Variants in MCTP1 observed in about 807,000 individuals in gnomAD.
MCTP1 encodes multiple C2 and transmembrane domain-containing protein 1.
Under a neutral mutation model 120.6 loss-of-function variants are expected in MCTP1, and 69 were observed. The ratio of observed to expected loss-of-function variants is 0.57; its 90% CI spans 0.47 to 0.70. MCTP1 has a LOEUF of 0.70. Ranked by LOEUF, MCTP1 falls within the 30% of genes least tolerant of loss-of-function variation. MCTP1 has a pLI of 0.00. For missense variants in MCTP1, 1,203 were observed against 1,248.8 expected (o/e 0.96, Z 0.55); for synonymous variants, 529 against 493.1 (o/e 1.07, Z -0.96).
chr5:95,042,033 G>A (rs1842442050), intron 1 of MCTP1, among the ~76,000 whole-genome samples: 1 of 152,150 alleles, frequency 6.6e-6, no homozygotes, highest in South Asian at 2.1e-4. Context: ...GCAAAAGTCT[G>A]AAGACTTTGG....
chr5:94,942,520 G>A (rs1817970713), intron 3 of MCTP1, 93 bp from the exon 4 acceptor site: 1 of 787,736 alleles, frequency 1.3e-6, no homozygotes, highest in Non-Finnish European at 2.1e-6. Flanking sequence ...GGTTGTCTAT[G>A]TCACCAAAAG....
At chr5:94,793,425 T>G (rs938275050) in intron 18 of MCTP1, 1 of 152,144 alleles carries the variant, frequency 6.6e-6, no homozygotes, top group African/African-American at 2.4e-5. Flanking sequence ...TGAAAAAAAC[T>G]GAGAAAACTG....
intron 11 of MCTP1, among the ~76,000 whole-genome samples, chr5:94,891,747 A>AAAATAAATAAAT (rs66803101): frequency 6.1e-5 from 9 of 148,448 alleles, no homozygotes; most frequent in South Asian, 2.1e-4. Flanking sequence ...ATAAGAAGTA[A>AAAATAAATAAAT]AAATAAATAA....
At chr5:95,038,286 T>A (rs1357101274) in intron 1 of MCTP1, 3 of 232,090 alleles carry the variant, frequency 1.3e-5, no homozygotes, top group Non-Finnish European at 2.1e-5. Flanking sequence ...TTGTAAATTC[T>A]GGTTGGAGAA....
chr5:94,730,959 C>G (rs921194511), intron 19 of MCTP1, among the ~76,000 whole-genome samples: 8 of 108,880 alleles, frequency 7.3e-5, no homozygotes, highest in Non-Finnish European at 1.0e-4. Context: ...ACTCCACACA[C>G]ACACACACAT....
At chr5:94,747,803 T>C (rs759476528) in intron 19 of MCTP1, among the ~76,000 whole-genome samples, 1 of 152,002 alleles carries the variant, frequency 6.6e-6, no homozygotes, top group Non-Finnish European at 1.5e-5. Flanking sequence ...TCTGAAATTA[T>C]AAGGAGGCCA....
chr5:94,754,712 T>C (rs1354913180), intron 19 of MCTP1, among the ~76,000 whole-genome samples: 1 of 152,162 alleles, frequency 6.6e-6, no homozygotes. Flanking sequence ...GGCAGAAATT[T>C]CTGGTATAAA....
chr5:95,143,636 T>TA (rs1350530608), intron 1 of MCTP1, among the ~76,000 whole-genome samples: 1 of 152,196 alleles, frequency 6.6e-6, no homozygotes, highest in Non-Finnish European at 1.5e-5. Flanking sequence ...AGCTCCCACT[T>TA]ACATGTGAGT....
intron 21 of MCTP1, chr5:94,710,566 A>T: frequency 2.8e-6 from 1 of 355,854 alleles, no homozygotes; most frequent in Non-Finnish European, 5.0e-6. Context: ...ACACTTTGAT[A>T]TATGAAGAAT....
At chr5:95,082,433 GA>G (rs1755047115) in intron 1 of MCTP1, among the ~76,000 whole-genome samples, 1 of 152,026 alleles carries the variant, frequency 6.6e-6, no homozygotes, top group Admixed American at 6.6e-5. Flanking sequence ...GATGCTTGGA[GA>G]AAAGTCTACT....
At chr5:95,066,722 T>C (rs1425309640) in intron 1 of MCTP1, among the ~76,000 whole-genome samples, 2 of 152,164 alleles carry the variant, frequency 1.3e-5, no homozygotes, top group African/African-American at 4.8e-5. Flanking sequence ...GGGCATTATA[T>C]TAAGTAAAAT....
In MCTP1 at chr5:94,739,689, G is replaced by A. The variant is rs138464983; in HGVS notation, c.2611-24803C>T. On this transcript the variant is annotated intron_variant, in intron 19 of 22. Coordinates refer to ENST00000515393, the MANE Select transcript of MCTP1 (RefSeq NM_024717.7). ...TGTTTGTTTTTTGTTGTTTGAGACGGAGTCTTACTCTGTCGCCCAGCCTGG... is the reference window on the plus strand; with the variant it reads ...TGTTTGTTTTTTGTTGTTTGAGACGAAGTCTTACTCTGTCGCCCAGCCTGG... 4.0e-3 allele frequency among the ~76,000 whole-genome samples: 613 copies of A among 152,294 alleles called. 3 individuals are homozygous for A. Among genetic ancestry groups the A allele is most frequent in the Non-Finnish European group, 6.0e-3 (406 of 68,020 alleles).
In MCTP1 at chr5:94,703,834, TA is replaced by T. The variant is rs1174840211; in HGVS notation, c.*3661del. The T allele has an allele frequency of 6.6e-6, 1 of 151,442 alleles. No individual in the cohort carries two copies. Among genetic ancestry groups the T allele is most frequent in the East Asian group, 1.9e-4 (1 of 5,144 alleles). The allele number at this position is 151,442 out of a possible 1,614,324, so 9.4% of individuals were successfully genotyped here. On this transcript the variant is annotated 3_prime_UTR_variant, in exon 23 of 23. Transcript: ENST00000515393. Reference sequence around the variant, plus strand: ...TTGTATGATTGCTTTGGACATTTGATAGTTTTTATTTGCATACTATTTTTTA... The same window carrying T: ...TTGTATGATTGCTTTGGACATTTGATGTTTTTATTTGCATACTATTTTTTA...
At chr5:94,909,152 C>T (rs1322938180) in intron 10 of MCTP1, 99 bp downstream of exon 10, 14 of 1,393,156 alleles carry the variant, frequency 1.0e-5, no homozygotes, top group Middle Eastern at 1.8e-4. Context: ...TCCCTTTCTT[C>T]AAAACAGTAA....
At chr5:94,834,590 G>A (rs1276397132) in intron 17 of MCTP1, among the ~76,000 whole-genome samples, 2 of 152,050 alleles carry the variant, frequency 1.3e-5, no homozygotes, top group Non-Finnish European at 2.9e-5. Context: ...CAGACGAGGA[G>A]GAAATAACCA....
chr5:94,807,646 C>T (rs1413746559), intron 17 of MCTP1, among the ~76,000 whole-genome samples: 4 of 152,158 alleles, frequency 2.6e-5, no homozygotes, highest in South Asian at 2.1e-4. Context: ...TGCCACTTTC[C>T]TCCCTAGGGC....
At chr5:95,181,350 A>G (rs1322192902) in intron 1 of MCTP1, among the ~76,000 whole-genome samples, 1 of 152,192 alleles carries the variant, frequency 6.6e-6, no homozygotes, top group Non-Finnish European at 1.5e-5. Flanking sequence ...TTTTTATACT[A>G]CAAGCTCATT....
At chr5:94,934,384 GC>G (rs1182176399) in intron 5 of MCTP1, among the ~76,000 whole-genome samples, 3 of 151,672 alleles carry the variant, frequency 2.0e-5, no homozygotes, top group African/African-American at 7.3e-5. Flanking sequence ...AAGGATTATT[GC>G]CTGATATTAT....
chr5:95,194,874 G>A (rs1479092909), intron 1 of MCTP1, among the ~76,000 whole-genome samples: 1 of 152,218 alleles, frequency 6.6e-6, no homozygotes, highest in Non-Finnish European at 1.5e-5. Context: ...GGTGGTCATT[G>A]ATCAAACAAG....
Sources: gnomAD v4.1 joint callset for allele counts (sites outside exome capture counted in the v4.1 genomes callset) on GRCh38, gnomAD v4.1.1 for gene constraint, MANE v1.5 for transcripts, NCBI Gene and HGNC (gene_info 2026-07-23, HGNC 2026-07-21) for gene names.